The following DNAI7 variants were observed in gnomAD, a reference collection of about 807,000 sequenced individuals.
The protein encoded by DNAI7 is cancer susceptibility 1.
DNAI7 carries 78 observed loss-of-function variants against 86.6 expected under a neutral mutation model. The observed-to-expected ratio is 0.90, with a 90% CI of 0.75 to 1.09. The LOEUF is 1.09. Among genes scored for constraint, DNAI7 ranks in the 50% least tolerant of loss-of-function variants. DNAI7 has a pLI of 0.00. For synonymous variants in DNAI7, 274 were observed against 273.0 expected (o/e 1.00, Z -0.04); for missense variants, 753 against 810.2 (o/e 0.93, Z 0.86).
chr12:25,194,848 C>A, intron 1 of DNAI7: 1 of 1,600,486 alleles, frequency 6.2e-7, no homozygotes, highest in Non-Finnish European at 8.6e-7. Flanking sequence ...ACAGCTTTGA[C>A]CATCTCCCGT....
intron 9 of DNAI7, among the ~76,000 whole-genome samples, chr12:25,141,652 A>G (rs1944197523): frequency 6.6e-6 from 1 of 152,122 alleles, no homozygotes; most frequent in Non-Finnish European, 1.5e-5. Flanking sequence ...AACATGGTGA[A>G]ACCCTGTATC....
At chr12:25,134,646 T>C (rs1158990879) in intron 9 of DNAI7, among the ~76,000 whole-genome samples, 1 of 152,182 alleles carries the variant, frequency 6.6e-6, no homozygotes, top group African/African-American at 2.4e-5. Context: ...CATGAGCCAC[T>C]GCACCTGGCC....
chr12:25,185,670 T>C (rs1949961641), intron 2 of DNAI7: 1 of 462,990 alleles, frequency 2.2e-6, no homozygotes, highest in African/African-American at 2.1e-5. Flanking sequence ...TTTTAAAAGA[T>C]GCAATTTTAA....
chr12:25,124,804 G>A (rs1941877569), intron 9 of DNAI7, among the ~76,000 whole-genome samples: 2 of 152,036 alleles, frequency 1.3e-5, no homozygotes. Flanking sequence ...CCCAGTGTCT[G>A]CCATTCTCTT....
chr12:25,117,739 T>C (rs564420640), intron 12 of DNAI7, among the ~76,000 whole-genome samples: 1 of 152,192 alleles, frequency 6.6e-6, no homozygotes, highest in Non-Finnish European at 1.5e-5. Context: ...TATAAAAAGG[T>C]ATACAAGTGG....
At chr12:25,174,601 T>TG (rs1948710403) in intron 2 of DNAI7, among the ~76,000 whole-genome samples, 7 of 126,456 alleles carry the variant, frequency 5.5e-5, no homozygotes, top group African/African-American at 2.1e-4. Context: ...GGGATATATA[T>TG]ATGATATATA....
rs561577029 is a variant in DNAI7, at chr12:25,119,311, A to C, written c.1240-10T>G. 4.7e-5 allele frequency: 74 copies of C among 1,590,104 alleles called. No homozygotes were observed. In the South Asian group the frequency reaches 8.0e-4, roughly 17 times the overall value. On this transcript the variant is annotated splice_polypyrimidine_tract_variant and intron_variant, in intron 11 of 15. Coordinates refer to ENST00000395987, the MANE Select transcript of DNAI7 (RefSeq NM_018272.5). ...ATCCTTCTTTGAGTATCTTTTTAAA[A>C]TGACCAAAACAACATCAAGTTAGTT...
chr12:25,128,129 C>T (rs530597081), intron 9 of DNAI7, among the ~76,000 whole-genome samples: 14 of 152,158 alleles, frequency 9.2e-5, no homozygotes, highest in African/African-American at 2.2e-4. Context: ...ATAATATCTG[C>T]AAAATGTCAG....
chr12:25,171,826 C>T (rs974882435), intron 2 of DNAI7, among the ~76,000 whole-genome samples: 5 of 151,204 alleles, frequency 3.3e-5, no homozygotes, highest in Admixed American at 2.6e-4. Context: ...CATATGCAAA[C>T]GTGATACAAC....
chr12:25,147,484 C>CCCA (rs55662471), intron 7 of DNAI7, among the ~76,000 whole-genome samples: 3 of 138,064 alleles, frequency 2.2e-5, no homozygotes, highest in South Asian at 2.6e-4. Context: ...AGACCACCCC[C>CCCA]ATCTCTACAA....
At chr12:25,150,300 C>T (rs770031991) in intron 6 of DNAI7, among the ~76,000 whole-genome samples, 2 of 152,078 alleles carry the variant, frequency 1.3e-5, no homozygotes, top group African/African-American at 2.4e-5. Context: ...TGATCAAATT[C>T]GCATCATTAA....
rs76197653 is a variant in DNAI7 at position 25,195,139 on chromosome 12, G to T, written c.-61C>A. 120,114 of 1,569,020 alleles carry T rather than the reference G, an allele frequency of 0.077. 5,117 individuals carry two copies. The highest frequency in any genetic ancestry group is 0.1 in the South Asian group (9,329 of 90,154). ...CGGAGCAGAAATTGTGTGGACAAAC[G>T]CTCCCGGGTTGCCCGGACGACAGGC... On this transcript the variant is annotated 5_prime_UTR_variant, in exon 1 of 16. Transcript: ENST00000395987.
intron 9 of DNAI7, among the ~76,000 whole-genome samples, chr12:25,135,913 T>TTACC (rs1161811519): frequency 1.3e-5 from 2 of 152,016 alleles, no homozygotes; most frequent in Non-Finnish European, 2.9e-5. Context: ...TGGTCTTTCT[T>TTACC]TACCTACCCT....
At chr12:25,148,735 T>C (rs992029583) in intron 7 of DNAI7, among the ~76,000 whole-genome samples, 7 of 152,114 alleles carry the variant, frequency 4.6e-5, no homozygotes, top group Non-Finnish European at 7.4e-5. Context: ...ATTCTGATAT[T>C]CAAATTATTC....
intron 2 of DNAI7, among the ~76,000 whole-genome samples, chr12:25,174,388 G>T (rs1156708945): frequency 0.12 from 65 of 546 alleles, no homozygotes; most frequent in Non-Finnish European, 0.18. Flanking sequence ...CATATATATG[G>T]GATATATCAT....
At position 25,154,376 on chromosome 12, in the gene DNAI7, T is replaced by C; in HGVS notation, c.381A>G (p.Lys127=). ...CCTCAAAAGTCTCATTTGTTTTCTC[T>C]TTCCACAAACTAATAAACGTGTTCA... ...QEMNTFISLW[K]EKTNETFEEV... is the part of the protein sequence containing the mutation. The change falls in exon 6 of 16, where the codon AAA becomes AAG. Residue 127 remains lysine, a synonymous_variant. Transcript: ENST00000395987. The C allele has an allele frequency of 4.3e-6, 7 of 1,611,768 alleles. No individual in the cohort carries two copies. Among genetic ancestry groups the C allele is most frequent in the Non-Finnish European group, 5.9e-6 (7 of 1,179,386 alleles).
At chr12:25,147,480 C>CCCCA (rs200899743) in intron 7 of DNAI7, among the ~76,000 whole-genome samples, 10 of 150,362 alleles carry the variant, frequency 6.7e-5, no homozygotes, top group Admixed American at 4.0e-4. Flanking sequence ...AATGAGACCA[C>CCCCA]CCCCATCTCT....
At position 25,147,059 on chromosome 12, in the gene DNAI7, C is replaced by T. The variant is rs150934185; in HGVS notation, c.631G>A (p.Val211Ile). 73 of 1,609,982 alleles carry T rather than the reference C, an allele frequency of 4.5e-5. No individual in the cohort carries two copies. Among genetic ancestry groups the T allele is most frequent in the Non-Finnish European group, 5.6e-5 (66 of 1,176,270 alleles). Residue 211 changes from valine to isoleucine, a missense_variant, in exon 8 of 16, where the codon GTC (valine) becomes ATC (isoleucine). By Grantham distance (29) the Val-to-Ile change is conservative. Transcript: ENST00000395987. ...AGAGTAACATTTTCATCTTTAATGA[C>T]TTTTTCCATATTTCCACTGTCCAGA... ...ADLDSGNMEK[V>I]IKDENVTLYV...
rs1944621114 is a variant in DNAI7, at chr12:25,144,791, C to T, written c.690-114G>A. ...CACTTTAATTTTGCTCCAATTTTGA[C>T]TCTGATCATATGTGCTTTCTTTGCA... On this transcript the variant is annotated intron_variant, in intron 8 of 15. Transcript: ENST00000395987. 4 of 793,238 alleles carry T rather than the reference C, an allele frequency of 5.0e-6. No individual in the cohort carries two copies. The South Asian group carries it at 5.6e-5, about 11-fold the overall frequency. The allele number at this position is 793,238 out of a possible 1,614,324, so 49.1% of individuals were successfully genotyped here. A position where few individuals can be genotyped will look rare whatever the true frequency, so the allele number is the denominator to read the frequency against.
Sources: gnomAD v4.1 joint callset for allele counts (sites outside exome capture counted in the v4.1 genomes callset) on GRCh38, gnomAD v4.1.1 for gene constraint, MANE v1.5 for transcripts, NCBI Gene and HGNC (gene_info 2026-07-23, HGNC 2026-07-21) for gene names.